CTCFL: variants seen among roughly 807,000 people sequenced by gnomAD.
The protein encoded by CTCFL is transcriptional repressor CTCFL.
A neutral mutation model predicts 67.4 loss-of-function variants in CTCFL; 36 were observed. The observed-to-expected ratio is 0.53, with a 90% confidence interval of 0.41 to 0.71. CTCFL has a LOEUF of 0.71. Ranked by LOEUF, CTCFL falls within the 30% of genes least tolerant of loss-of-function variation. The probability of loss-of-function intolerance (pLI) is 0.00; values close to 1 mark genes in which losing one functional copy is unlikely to be tolerated. For missense variants in CTCFL, 786 were observed against 835.2 expected, an observed-to-expected ratio of 0.94 and a Z score of 0.73; for synonymous variants, 324 against 302.3, an observed-to-expected ratio of 1.07 and a Z score of -0.75.
intron 8 of CTCFL, among the ~76,000 whole-genome samples, chr20:57,511,947 A>G (rs929888518): frequency 6.6e-6 from 1 of 152,206 alleles, no homozygotes; most frequent in Non-Finnish European, 1.5e-5. Context: ...CTGAGTAAAC[A>G]GAATTTGTTT....
At chr20:57,507,800 G>A (rs780986102) in intron 9 of CTCFL, 1 of 703,006 alleles carries the variant, frequency 1.4e-6, no homozygotes, top group Non-Finnish European at 2.6e-6. Flanking sequence ...AATCTGTCAG[G>A]TGATAAATGT....
At chr20:57,518,542 A>C (rs1179493605) in intron 5 of CTCFL, 1 of 1,420,706 alleles carries the variant, frequency 7.0e-7, no homozygotes, top group African/African-American at 1.4e-5. Flanking sequence ...AAACCTTTAC[A>C]TATTATTTTC....
At chr20:57,523,046 T>C (rs745613517) in intron 3 of CTCFL, 22 bp downstream of exon 3, 1 of 1,596,970 alleles carries the variant, frequency 6.3e-7, no homozygotes, top group Non-Finnish European at 8.6e-7. Flanking sequence ...GGGAGTGTAT[T>C]CTATGAGATG....
intron 9 of CTCFL, chr20:57,506,939 A>G (rs2068237609): frequency 1.0e-6 from 1 of 985,318 alleles, no homozygotes. Context: ...TGTGCTACTC[A>G]GAAAAACACA....
At chr20:57,522,013 T>C (rs2069405365) in intron 3 of CTCFL, among the ~76,000 whole-genome samples, 1 of 152,240 alleles carries the variant, frequency 6.6e-6, no homozygotes, top group African/African-American at 2.4e-5. Context: ...TTGATGGGTC[T>C]ACAAATTTGA....
chr20:57,508,423 T>C (rs542969439), intron 9 of CTCFL, among the ~76,000 whole-genome samples, 183 bp downstream of exon 9: 22 of 151,702 alleles, frequency 1.5e-4, no homozygotes, highest in African/African-American at 5.3e-4. Context: ...CACACTTTCA[T>C]AGGATTCTTC....
At chr20:57,519,186 C>G (rs551135459) in intron 4 of CTCFL, 21 bp downstream of exon 4, 1 of 1,611,634 alleles carries the variant, frequency 6.2e-7, no homozygotes, top group East Asian at 2.2e-5. Flanking sequence ...TCCAGAGAAA[C>G]AGCCTTCCCG....
chr20:57,517,608 C>T (rs1035138179), intron 5 of CTCFL, among the ~76,000 whole-genome samples: 3 of 152,114 alleles, frequency 2.0e-5, no homozygotes, highest in African/African-American at 7.2e-5. Flanking sequence ...AAAAGGGGCA[C>T]ATCTGCACCA....
At chr20:57,500,729 T>C (rs2067869463) in intron 10 of CTCFL, among the ~76,000 whole-genome samples, 1 of 152,194 alleles carries the variant, frequency 6.6e-6, no homozygotes, top group Non-Finnish European at 1.5e-5. Flanking sequence ...AAGAACCTTC[T>C]CAACTCTTCT....
chr20:57,514,807 G>C (rs1351230648), intron 6 of CTCFL, 66 bp from the exon 7 acceptor site: 2 of 1,446,292 alleles, frequency 1.4e-6, no homozygotes, highest in Admixed American at 4.6e-5. Flanking sequence ...CACCTGTGCT[G>C]AAAGTGTTTT....
chr20:57,500,085 ATTTTTT>A (rs3068009), intron 10 of CTCFL: 181 of 925,284 alleles, frequency 2.0e-4, no homozygotes, highest in South Asian at 2.6e-4. Context: ...TCCTTGAAGT[ATTTTTT>A]TTTTTTTTTT....
At chr20:57,501,686 G>A (rs1188691240) in intron 10 of CTCFL, among the ~76,000 whole-genome samples, 1 of 152,206 alleles carries the variant, frequency 6.6e-6, no homozygotes, top group Non-Finnish European at 1.5e-5. Context: ...GCTGGCGGAG[G>A]ATGGCGGGAA....
intron 10 of CTCFL, among the ~76,000 whole-genome samples, chr20:57,501,406 A>G (rs1009907968): frequency 2.9e-5 from 4 of 140,294 alleles, no homozygotes; most frequent in Non-Finnish European, 4.6e-5. Context: ...GGTGGGGGAC[A>G]TAAAGCTGCT....
intron 9 of CTCFL, among the ~76,000 whole-genome samples, chr20:57,505,088 T>C (rs1015876974): frequency 6.6e-6 from 1 of 151,840 alleles, no homozygotes; most frequent in Non-Finnish European, 1.5e-5. Context: ...GTTAAAGAGA[T>C]GGCCTTTGGG....
intron 5 of CTCFL, 136 bp downstream of exon 5, chr20:57,518,622 T>G (rs2069101916): frequency 2.6e-6 from 4 of 1,555,306 alleles, no homozygotes. Context: ...GAATGCATAT[T>G]ATTTCCTGCA....
chr20:57,520,466 A>C (rs1466936539), intron 3 of CTCFL, among the ~76,000 whole-genome samples: 1 of 152,218 alleles, frequency 6.6e-6, no homozygotes, highest in African/African-American at 2.4e-5. Flanking sequence ...AAAAAATGTC[A>C]CAAGCAACTT....
In CTCFL at chr20:57,523,742, G is replaced by A; in HGVS notation, c.464C>T (p.Ala155Val). 1 of 1,613,324 alleles carries A rather than the reference G, an allele frequency of 6.2e-7. No individual in the cohort carries two copies. The highest frequency in any genetic ancestry group is 8.5e-7 in the Non-Finnish European group (1 of 1,180,036). The change falls in exon 2 of 11, where the codon GCT becomes GTT. Residue 155 changes from alanine to valine, a missense_variant. This residue lies in a region of CTCFL where 333 missense variants were observed against 304.6 expected (regional missense o/e 1.09). Transcript: ENST00000243914. ...PQEMEVLQFH[A>V]LEENVMVASE... is the part of the protein sequence containing the mutation. ...GGCCACCATCACATTCTCCTCTAGA[G>A]CGTGGAACTGCAACACCTCCATCTC...
At position 57,512,580 on chromosome 20, in the gene CTCFL, A is replaced by G. The variant is rs748727299; in HGVS notation, c.1491+12T>C. 26 of 1,612,004 alleles carry G rather than the reference A, an allele frequency of 1.6e-5. No homozygotes were observed. Among genetic ancestry groups the G allele is most frequent in the Middle Eastern group, 1.6e-4 (1 of 6,068 alleles). On this transcript the variant is annotated intron_variant, in intron 8 of 10. Transcript: ENST00000243914. ...ACACCACTGCCTCTCCAAATTAAGT[A>G]AAGTACAATACCTGCTTGCAGGCAT... is the stretch of plus-strand genomic sequence containing the variant.
intron 9 of CTCFL, chr20:57,507,473 C>T (rs766415270): frequency 3.0e-6 from 2 of 663,330 alleles, no homozygotes; most frequent in Middle Eastern, 3.5e-4. Context: ...ACTGGGATTA[C>T]AGGTGTGAGC....
Sources: allele counts gnomAD v4.1 joint callset (sites outside exome capture counted in the v4.1 genomes callset), GRCh38; gene constraint gnomAD v4.1.1; regional missense constraint gnomAD v4.1.1; transcripts MANE v1.5; gene names NCBI Gene and HGNC (gene_info 2026-07-23, HGNC 2026-07-21).